Variants in MASTL observed in about 807,000 individuals in gnomAD.
MASTL encodes microtubule associated serine/threonine kinase like.
Under a neutral mutation model 82.5 loss-of-function variants are expected in MASTL, and 54 were observed. That is an observed-to-expected ratio of 0.65 (90% CI 0.53 to 0.82). MASTL has a LOEUF of 0.82. Among genes scored for constraint, MASTL ranks in the 40% least tolerant of loss-of-function variants. MASTL has a pLI of 0.00. For missense variants in MASTL, 950 were observed against 1,047.8 expected (o/e 0.91, Z 1.29); for synonymous variants, 323 against 368.9 (o/e 0.88, Z 1.43).
Position 27,159,023 on chromosome 10 carries a change from G to A in MASTL, c.324+337G>A, listed in dbSNP as rs780496056. Among the ~76,000 whole-genome samples the A allele has an allele frequency of 6.6e-6, 1 of 152,180 alleles. No homozygotes were observed. The highest frequency in any genetic ancestry group is 1.5e-5 in the Non-Finnish European group (1 of 68,042). On this transcript the variant is annotated intron_variant, in intron 2 of 11. Transcript: ENST00000375940. The surrounding 1 kb of genome is among the most constrained non-coding windows in gnomAD (Gnocchi z 4.0). ...AAGACCAACTTGGGGAACATAAGGA[G>A]ACTCCATCTCTACAAAAAAATTAAA...
Position 27,170,883 on chromosome 10 carries a change from G to T in MASTL, c.1924G>T (p.Val642Leu). 6.2e-7 allele frequency: 1 copy of T among 1,614,138 alleles called. No homozygotes were observed. The highest frequency in any genetic ancestry group is 1.1e-5 in the South Asian group (1 of 91,084). Residue 642 changes from valine (V) to leucine (L), a missense_variant, in exon 8 of 12, where the codon GTG (valine) becomes TTG (leucine). Transcript: ENST00000375940. ...AAAAATGTTAGGTCCTCCTTTGGAG[G>T]TGCTGAAAACGTTAGCCTCTAAAAG... ...NQKMLGPPLEVLKTLASKRNA... is the reference protein window; with the variant it reads ...NQKMLGPPLELLKTLASKRNA...
At chr10:27,166,961 A>G in intron 6 of MASTL, 141 bp from the exon 7 acceptor site, 1 of 673,650 alleles carries the variant, frequency 1.5e-6, no homozygotes, top group Non-Finnish European at 2.6e-6. Flanking sequence ...GTGTTTACAA[A>G]GAAATAGTTC....
chr10:27,170,314 C>T lies in MASTL; in HGVS notation c.1355C>T (p.Ser452Phe). Residue 452 changes from serine to phenylalanine, a missense_variant, in exon 8 of 12, where the codon TCC (serine) becomes TTC (phenylalanine). Physicochemically the swap from Ser to Phe is radical, Grantham distance 155 (BLOSUM62 -2). Coordinates refer to ENST00000375940, the MANE Select transcript of MASTL (RefSeq NM_001172303.3). ...SLKRNFELVDSSPCKKIIQNK... is the reference protein window; with the variant it reads ...SLKRNFELVDFSPCKKIIQNK... Reference sequence around the variant, plus strand: ...AAAAGAAATTTTGAGTTGGTTGACTCCAGTCCTTGTAAAAAAATTATACAG... The same window carrying T: ...AAAAGAAATTTTGAGTTGGTTGACTTCAGTCCTTGTAAAAAAATTATACAG... The T allele has an allele frequency of 6.2e-7, 1 of 1,613,662 alleles. No homozygotes were observed. Among genetic ancestry groups the T allele is most frequent in the Non-Finnish European group, 8.5e-7 (1 of 1,179,750 alleles).
At position 27,172,602 on chromosome 10, in the gene MASTL, C is replaced by T. The variant is rs539635356; in HGVS notation, c.2125-516C>T. 1.8e-4 allele frequency among the ~76,000 whole-genome samples: 27 copies of T among 151,868 alleles called. No homozygotes were observed. In the South Asian group the frequency reaches 4.6e-3, roughly 26 times the overall value. ...CTGGGAGGCGGAGGTTGTGGTGAGC[C>T]GAGATCGCACCACTGCACTCCAGCC... is the stretch of plus-strand genomic sequence containing the variant. On this transcript the variant is annotated intron_variant, in intron 8 of 11. Transcript: ENST00000375940.
At chr10:27,171,221 G>A in intron 8 of MASTL, 138 bp downstream of exon 8, 1 of 760,330 alleles carries the variant, frequency 1.3e-6, no homozygotes, top group Non-Finnish European at 2.2e-6. Flanking sequence ...GCTGTTGGAA[G>A]TTTTCACCCA....
chr10:27,172,497 A>G (rs1255039428), intron 8 of MASTL, among the ~76,000 whole-genome samples: 1 of 152,126 alleles, frequency 6.6e-6, no homozygotes, highest in Non-Finnish European at 1.5e-5. Context: ...TCTACTAAAA[A>G]TACAAAATTA....
chr10:27,185,359 G>A (rs1557170), intron 11 of MASTL, among the ~76,000 whole-genome samples: 91,723 of 151,862 alleles, frequency 0.6, 27,983 homozygotes, highest in Non-Finnish European at 0.65. Context: ...CAGGGTGGGC[G>A]CGGTGGCTCA....
In MASTL at chr10:27,177,068, C is replaced by T. The variant is rs910337566; in HGVS notation, c.2266+3809C>T. Reference sequence around the variant, plus strand: ...CCATCATGGCCAGGCTGGTCTTGAACTCCTGACCTTGTGATCCACCCAAAG... The same window carrying T: ...CCATCATGGCCAGGCTGGTCTTGAATTCCTGACCTTGTGATCCACCCAAAG... On this transcript the variant is annotated intron_variant, in intron 9 of 11. Coordinates refer to ENST00000375940, the MANE Select transcript of MASTL (RefSeq NM_001172303.3). 8.5e-5 allele frequency among the ~76,000 whole-genome samples: 13 copies of T among 152,186 alleles called. No individual in the cohort carries two copies. In the East Asian group the frequency reaches 2.3e-3, roughly 27 times the overall value.
In MASTL at chr10:27,170,692, T is replaced by A. The variant is rs751681520; in HGVS notation, c.1733T>A (p.Ile578Lys). The change falls in exon 8 of 12, where the codon ATA becomes AAA. Residue 578 changes from isoleucine to lysine, a missense_variant. Transcript: ENST00000375940. ...NSDSSFPGISIMESPLESQPL... is the reference protein window; with the variant it reads ...NSDSSFPGISKMESPLESQPL... ...GATTCATCTTTTCCTGGAATTTCTA[T>A]AATGGAAAGTCCATTAGAAAGTCAG... is the stretch of plus-strand genomic sequence containing the variant. The A allele has an allele frequency of 6.2e-7, 1 of 1,612,744 alleles. No individual in the cohort carries two copies. The highest frequency in any genetic ancestry group is 2.2e-5 in the East Asian group (1 of 44,858).
At chr10:27,166,978 GTAATTCTTAATACATATTAAT>G in intron 6 of MASTL, 103 bp from the exon 7 acceptor site, 1 of 117,652 alleles carries the variant, frequency 8.5e-6, no homozygotes, top group Non-Finnish European at 1.8e-5. Context: ...GTTCTGATAT[GTAATTCTTAATACATATTAAT>G]ATGTAATTCT....
chr10:27,173,878 C>T (rs1032158737), intron 9 of MASTL, among the ~76,000 whole-genome samples: 6 of 152,048 alleles, frequency 3.9e-5, no homozygotes, highest in Admixed American at 6.6e-5. Flanking sequence ...CGTACCCGGC[C>T]TATCTTACCT....
At chr10:27,176,002 C>T (rs1019167346) in intron 9 of MASTL, among the ~76,000 whole-genome samples, 3 of 151,438 alleles carry the variant, frequency 2.0e-5, no homozygotes, top group African/African-American at 7.3e-5. Flanking sequence ...GAGGCTGAGA[C>T]AGGAGAATCG....
intron 10 of MASTL, 97 bp from the exon 11 acceptor site, chr10:27,181,383 C>T (rs1239497347): frequency 8.9e-6 from 8 of 899,290 alleles, no homozygotes; most frequent in Non-Finnish European, 1.4e-5. Flanking sequence ...AAGAGTGAAA[C>T]TCCATCTCAA....
chr10:27,181,828 A>G (rs1246220354), intron 11 of MASTL, among the ~76,000 whole-genome samples: 1 of 152,002 alleles, frequency 6.6e-6, no homozygotes, highest in Non-Finnish European at 1.5e-5. Context: ...TAATCCAAGC[A>G]CTCTGGTAGG....
Position 27,155,516 on chromosome 10 carries a change from C to G in MASTL, c.90C>G (p.Pro30=), listed in dbSNP as rs1317044734. ...GVNRIAVPKP[P]SIEEFSIVKP... ...ATAGGATCGCAGTGCCAAAACCGCC[C>G]TCCATTGAGGAATTCAGCATAGTGA... Residue 30 remains proline (P), a synonymous_variant, in exon 1 of 12, where the codon CCC becomes CCG. Coordinates refer to ENST00000375940, the MANE Select transcript of MASTL (RefSeq NM_001172303.3). 6.2e-7 allele frequency: 1 copy of G among 1,614,104 alleles called. No homozygotes were observed. Among genetic ancestry groups the G allele is most frequent in the African/African-American group, 1.3e-5 (1 of 74,946 alleles).
At position 27,159,866 on chromosome 10, in the gene MASTL, TA is replaced by T; in HGVS notation, c.464+111del. ...CACTTGCACTTATTTCCAGGTTATC[TA>T]AAGTTTACTAGTAACTTGTATTCAT... On this transcript the variant is annotated intron_variant, in intron 3 of 11. Transcript: ENST00000375940. This position sits in a 1 kb window ranked among gnomAD's most constrained non-coding sequence, Gnocchi z 4.0. 2.2e-6 allele frequency: 2 copies of T among 901,846 alleles called. No homozygotes were observed. Among genetic ancestry groups the T allele is most frequent in the Non-Finnish European group, 3.6e-6 (2 of 551,038 alleles). 55.9% of individuals were successfully genotyped at this position (901,846 alleles called of 1,614,324 possible).
At chr10:27,178,691 A>T (rs2058180743) in intron 9 of MASTL, among the ~76,000 whole-genome samples, 1 of 150,890 alleles carries the variant, frequency 6.6e-6, no homozygotes, top group Non-Finnish European at 1.5e-5. Flanking sequence ...TTTTTTTAAC[A>T]CAAGTATATT....
At chr10:27,166,313 TAATA>T (rs2057739809) in intron 6 of MASTL, among the ~76,000 whole-genome samples, 1 of 152,198 alleles carries the variant, frequency 6.6e-6, no homozygotes, top group Admixed American at 6.5e-5. Context: ...ACCTCAGTGT[TAATA>T]AATACAAGTT....
At chr10:27,178,722 G>A (rs918600520) in intron 9 of MASTL, among the ~76,000 whole-genome samples, 1 of 151,154 alleles carries the variant, frequency 6.6e-6, no homozygotes, top group Non-Finnish European at 1.5e-5. Flanking sequence ...TGGTAAAAGG[G>A]GCCTAATTTC....
Sources: allele counts gnomAD v4.1 joint callset (sites outside exome capture counted in the v4.1 genomes callset), GRCh38; gene constraint gnomAD v4.1.1; non-coding constraint Gnocchi (gnomAD v3.1); transcripts MANE v1.5; gene names NCBI Gene and HGNC (gene_info 2026-07-23, HGNC 2026-07-21).